The following EBF3 variants were observed in gnomAD, a reference collection of about 807,000 sequenced individuals.
EBF3 encodes the protein EBF transcription factor 3, also known as transcription factor COE3.
EBF3 carries 18 observed loss-of-function variants against 77.1 expected under a neutral mutation model. The observed-to-expected ratio is 0.23, with a 90% confidence interval of 0.16 to 0.35. EBF3 has a LOEUF of 0.35. EBF3 is among the 10% of genes least tolerant of loss of function. EBF3 has a pLI of 1.00. For synonymous variants in EBF3, 350 were observed against 343.5 expected (o/e 1.02, Z -0.21); for missense variants, 558 against 860.0 (o/e 0.65, Z 4.39).
At chr10:129,838,916 C>T (rs920867299) in intron 16 of EBF3, among the ~76,000 whole-genome samples, 167 bp downstream of exon 16, 6 of 152,244 alleles carry the variant, frequency 3.9e-5, no homozygotes, top group Admixed American at 3.9e-4. Context: ...GCCGGCCCGA[C>T]CCCGTGTCAC....
At position 129,885,532 on chromosome 10, in the gene EBF3, A is replaced by G. The variant is rs1446892349; in HGVS notation, c.555-7683T>C. Among the ~76,000 whole-genome samples, 1 of 152,232 alleles carries G rather than the reference A, an allele frequency of 6.6e-6. No individual in the cohort carries two copies. The highest frequency in any genetic ancestry group is 1.5e-5 in the Non-Finnish European group (1 of 68,042). On this transcript the variant is annotated intron_variant, in intron 6 of 16. Transcript: ENST00000440978. The surrounding 1 kb of genome is among the most constrained non-coding windows in gnomAD (Gnocchi z 4.0). ...ACTGCACAACACAAAAGAAATGTGA[A>G]GTGCACTATATTTACACTAGGGTTC... is the stretch of plus-strand genomic sequence containing the variant.
At chr10:129,838,733 C>G (rs1276253277) in intron 16 of EBF3, among the ~76,000 whole-genome samples, 1 of 152,244 alleles carries the variant, frequency 6.6e-6, no homozygotes, top group Non-Finnish European at 1.5e-5. Flanking sequence ...TCAGAATGAT[C>G]GTTCTCATTA....
Position 129,842,954 on chromosome 10 carries a change from CTCA to C in EBF3, c.1194+180_1194+182del, listed in dbSNP as rs2133956541. Among the ~76,000 whole-genome samples the C allele has an allele frequency of 6.6e-6, 1 of 152,160 alleles. No homozygotes were observed. The highest frequency in any genetic ancestry group is 2.1e-4 in the South Asian group (1 of 4,816). ...TTCTGCTTTTGGGTCCTGACACCAA[CTCA>C]TCATTTCTACGTGAACCTAGCGTGA... On this transcript the variant is annotated intron_variant, in intron 12 of 16. Transcript: ENST00000440978. This position sits in a 1 kb window ranked among gnomAD's most constrained non-coding sequence, Gnocchi z 4.4.
At chr10:129,958,430 G>A (rs1859203154) in intron 5 of EBF3, among the ~76,000 whole-genome samples, 1 of 152,166 alleles carries the variant, frequency 6.6e-6, no homozygotes, top group South Asian at 2.1e-4. Context: ...CAAGTAACGG[G>A]CACGCTATCT....
At chr10:129,865,666 G>A (rs944594742) in intron 10 of EBF3, among the ~76,000 whole-genome samples, 7 of 152,340 alleles carry the variant, frequency 4.6e-5, no homozygotes, top group Middle Eastern at 6.8e-3. Flanking sequence ...CTGGGGTGAC[G>A]CTGGGCCTGA....
chr10:129,863,407 C>A lies in EBF3; in HGVS notation c.1039+3734G>T, dbSNP rs867892891. On this transcript the variant is annotated intron_variant, in intron 10 of 16. Transcript: ENST00000440978. The surrounding 1 kb of genome is among the most constrained non-coding windows in gnomAD (Gnocchi z 4.0). ...CCTGGCCTGCCTTCCCCTTCCCACT[C>A]GGGGTTGACTAATAGGGTCTGGTTC... Among the ~76,000 whole-genome samples the A allele has an allele frequency of 2.0e-5, 3 of 152,220 alleles. No homozygotes were observed. Among genetic ancestry groups the A allele is most frequent in the Non-Finnish European group, 4.4e-5 (3 of 68,034 alleles).
chr10:129,866,054 C>G (rs571652671), intron 10 of EBF3, among the ~76,000 whole-genome samples: 1 of 152,356 alleles, frequency 6.6e-6, no homozygotes, highest in Admixed American at 6.5e-5. Context: ...TTAAAAACAT[C>G]TCTCAAATGT....
intron 11 of EBF3, among the ~76,000 whole-genome samples, chr10:129,844,292 A>AC (rs1197458126): frequency 1.3e-5 from 2 of 151,838 alleles, no homozygotes; most frequent in Non-Finnish European, 2.9e-5. Flanking sequence ...TTAACCTGAG[A>AC]CCCCAAAGGT....
In EBF3 at chr10:129,871,922, G is replaced by A. The variant is rs551185480; in HGVS notation, c.781+1530C>T. On this transcript the variant is annotated intron_variant, in intron 8 of 16. Coordinates refer to ENST00000440978, the MANE Select transcript of EBF3 (RefSeq NM_001375380.1). Reference sequence around the variant, plus strand: ...CGAGAAACAAACAGGAAAAAATCCTGAGCAAGACTGCTTCTGCAAATAGCT... The same window carrying A: ...CGAGAAACAAACAGGAAAAAATCCTAAGCAAGACTGCTTCTGCAAATAGCT... Among the ~76,000 whole-genome samples, 13 of 152,268 alleles carry A rather than the reference G, an allele frequency of 8.5e-5. 1 individual carries two copies. Among genetic ancestry groups the A allele is most frequent in the African/African-American group, 3.1e-4 (13 of 41,556 alleles).
chr10:129,898,502 C>T (rs546708232), intron 6 of EBF3, among the ~76,000 whole-genome samples: 8 of 152,264 alleles, frequency 5.3e-5, no homozygotes, highest in South Asian at 4.2e-4. Context: ...TTCTGGGGAC[C>T]GCCCCCCACC....
At position 129,938,267 on chromosome 10, in the gene EBF3, C is replaced by CA. The variant is rs1857495837; in HGVS notation, c.554+18990dup. ...TTAAAGTTCATGGCGGGGCCGGGTGCAATGGCTCTCATCTATAGTCCCAGC... is the reference window on the plus strand; with the variant it reads ...TTAAAGTTCATGGCGGGGCCGGGTGCAAATGGCTCTCATCTATAGTCCCAGC... On this transcript the variant is annotated intron_variant, in intron 6 of 16. Coordinates refer to ENST00000440978, the MANE Select transcript of EBF3 (RefSeq NM_001375380.1). The surrounding 1 kb of genome is among the most constrained non-coding windows in gnomAD (Gnocchi z 5.1). Among the ~76,000 whole-genome samples, 1 of 151,658 alleles carries CA rather than the reference C, an allele frequency of 6.6e-6. No individual in the cohort carries two copies. Among genetic ancestry groups the CA allele is most frequent in the Non-Finnish European group, 1.5e-5 (1 of 67,974 alleles).
At chr10:129,930,277 C>A (rs1455066971) in intron 6 of EBF3, among the ~76,000 whole-genome samples, 1 of 152,172 alleles carries the variant, frequency 6.6e-6, no homozygotes, top group African/African-American at 2.4e-5. Flanking sequence ...GACTTCTCAG[C>A]CTCATAATCC....
At position 129,952,001 on chromosome 10, in the gene EBF3, G is replaced by T. The variant is rs890010257; in HGVS notation, c.554+5257C>A. Among the ~76,000 whole-genome samples, 1 of 152,256 alleles carries T rather than the reference G, an allele frequency of 6.6e-6. No homozygotes were observed. The highest frequency in any genetic ancestry group is 1.5e-5 in the Non-Finnish European group (1 of 68,046). ...ACAGCCATTCACACCTGAGCCCGGC[G>T]AAGCCAAATGGGGCCGGTGCCAGCC... is the stretch of plus-strand genomic sequence containing the variant. On this transcript the variant is annotated intron_variant, in intron 6 of 16. Coordinates refer to ENST00000440978, the MANE Select transcript of EBF3 (RefSeq NM_001375380.1). The surrounding 1 kb of genome is among the most constrained non-coding windows in gnomAD (Gnocchi z 4.7).
At chr10:129,854,601 G>A (rs185832875) in intron 10 of EBF3, among the ~76,000 whole-genome samples, 8 of 152,274 alleles carry the variant, frequency 5.3e-5, no homozygotes, top group Admixed American at 6.5e-5. Context: ...GAATGAAATC[G>A]GTTCCCTCTG....
chr10:129,945,654 T>C (rs1296845876), intron 6 of EBF3, among the ~76,000 whole-genome samples: 2 of 152,182 alleles, frequency 1.3e-5, no homozygotes, highest in African/African-American at 4.8e-5. Flanking sequence ...AGTTAAACCA[T>C]GCGTCCAATC....
rs112967815 is a variant in EBF3, at chr10:129,928,459, C to T, written c.554+28799G>A. On this transcript the variant is annotated intron_variant, in intron 6 of 16. Transcript: ENST00000440978. ...AACGTTTCCATTGTATGCACTAATCCGCCTTCTCCAGGATTCTAGTACAGG... is the reference window on the plus strand; with the variant it reads ...AACGTTTCCATTGTATGCACTAATCTGCCTTCTCCAGGATTCTAGTACAGG... 2.6e-3 allele frequency among the ~76,000 whole-genome samples: 400 copies of T among 152,206 alleles called. 2 individuals are homozygous for T. The highest frequency in any genetic ancestry group is 9.3e-3 in the African/African-American group (387 of 41,518).
intron 6 of EBF3, among the ~76,000 whole-genome samples, chr10:129,882,277 T>C (rs1204918604): frequency 6.6e-6 from 1 of 152,254 alleles, no homozygotes; most frequent in Non-Finnish European, 1.5e-5. Context: ...ATTGTGTAAA[T>C]TGGCCCTTTG....
chr10:129,867,560 T>C (rs1473917607), intron 9 of EBF3, among the ~76,000 whole-genome samples: 2 of 152,224 alleles, frequency 1.3e-5, no homozygotes, highest in Non-Finnish European at 2.9e-5. Context: ...ATTGTTCCAG[T>C]GGACGGGGGA....
chr10:129,906,505 G>A (rs746331211), intron 6 of EBF3, among the ~76,000 whole-genome samples: 6 of 152,144 alleles, frequency 3.9e-5, no homozygotes, highest in East Asian at 3.9e-4. Flanking sequence ...CAGGTGGAAC[G>A]GGCCCTCTTC....
Sources: allele counts gnomAD v4.1 joint callset (sites outside exome capture counted in the v4.1 genomes callset), GRCh38; gene constraint gnomAD v4.1.1; non-coding constraint Gnocchi (gnomAD v3.1); transcripts MANE v1.5; gene names NCBI Gene and HGNC (gene_info 2026-07-23, HGNC 2026-07-21).